CSF3R: variants seen among roughly 807,000 people sequenced by gnomAD.
The protein encoded by CSF3R is colony stimulating factor 3 receptor, also known as granulocyte colony-stimulating factor receptor.
A neutral mutation model predicts 84.4 loss-of-function variants in CSF3R; 52 were observed. That is an observed-to-expected ratio of 0.62 (90% CI 0.49 to 0.78). CSF3R has a LOEUF of 0.78. Among genes scored for constraint, CSF3R ranks in the 30% least tolerant of loss-of-function variants. CSF3R has a pLI of 0.00. For missense variants in CSF3R, 890 were observed against 1,055.7 expected (o/e 0.84, Z 2.17); for synonymous variants, 384 against 429.1 (o/e 0.89, Z 1.30).
At position 36,475,687 on chromosome 1, in the gene CSF3R, G is replaced by A. The variant is rs1651097860; in HGVS notation, c.65-14C>T. On this transcript the variant is annotated splice_polypyrimidine_tract_variant and intron_variant, in intron 3 of 16. Transcript: ENST00000373106. Reference sequence around the variant, plus strand: ...ACTCCTCCAGACCTGGGGTGGAAGAGAATGGGCCAGGAACGACGCCTCTGC... The same window carrying A: ...ACTCCTCCAGACCTGGGGTGGAAGAAAATGGGCCAGGAACGACGCCTCTGC... 3.1e-6 allele frequency: 5 copies of A among 1,603,622 alleles called. No individual in the cohort carries two copies. In the East Asian group the frequency reaches 9.0e-5, roughly 29 times the overall value.
chr1:36,481,386 G>A (rs974861505), intron 2 of CSF3R, 92 bp downstream of exon 2: 2 of 152,222 alleles, frequency 1.3e-5, no homozygotes, highest in Non-Finnish European at 2.9e-5. Flanking sequence ...GTTGGAGCAT[G>A]GTCTCACTCT....
Position 36,472,724 on chromosome 1 carries a change from C to T in CSF3R, c.674-38G>A, listed in dbSNP as rs1183974064. ...GGGCTGTCAGAAGGTCTCCCTATCC[C>T]ACCCTAGAGGGCTCTGCCTTAGCTC... On this transcript the variant is annotated intron_variant, in intron 6 of 16. Transcript: ENST00000373106. This position sits in a 1 kb window ranked among gnomAD's most constrained non-coding sequence, Gnocchi z 5.0. 6.5e-7 allele frequency: 1 copy of T among 1,532,784 alleles called. No homozygotes were observed. 94.9% of individuals were successfully genotyped at this position (1,532,784 alleles called of 1,614,324 possible).
rs1650553289 is a variant in CSF3R, at chr1:36,469,345, T to C, written c.1475-88A>G. On this transcript the variant is annotated intron_variant, in intron 11 of 16. Coordinates refer to ENST00000373106, the MANE Select transcript of CSF3R (RefSeq NM_000760.4). ...CTAGCCTCAGACCTCTAGTGAGGGC[T>C]AACCTGGCCTCATGATTCAGGGTTA... The C allele has an allele frequency of 1.3e-5, 13 of 1,016,930 alleles. No individual in the cohort carries two copies. The South Asian group carries it at 1.7e-4, about 13-fold the overall frequency. The allele number at this position is 1,016,930 out of a possible 1,614,324, so 63.0% of individuals were successfully genotyped here.
At position 36,469,746 on chromosome 1, in the gene CSF3R, C is replaced by T; in HGVS notation, c.1380G>A (p.Val460=). 1 of 1,614,208 alleles carries T rather than the reference C, an allele frequency of 6.2e-7. No individual in the cohort carries two copies. The highest frequency in any genetic ancestry group is 8.5e-7 in the Non-Finnish European group (1 of 1,180,034). Residue 460 remains valine (V), a synonymous_variant, in exon 11 of 17, where the codon GTG becomes GTA. Transcript: ENST00000373106. ...EPPNPWPQGY[V]IEWGLGPPSA... is the part of the protein sequence containing the mutation. ...TGGGGGGGCCCAGGCCCCACTCAAT[C>T]ACATAGCCCTGAGGCCATGGATTGG...
chr1:36,469,062 G>A, intron 12 of CSF3R, 94 bp downstream of exon 12: 3 of 894,988 alleles, frequency 3.4e-6, no homozygotes, highest in Non-Finnish European at 5.5e-6. Context: ...TGGTAGGAAG[G>A]CAATGTTCCC....
Position 36,472,446 on chromosome 1 carries a change from C to T in CSF3R, c.844-55G>A. The T allele has an allele frequency of 6.2e-7, 1 of 1,613,902 alleles. No homozygotes were observed. The highest frequency in any genetic ancestry group is 8.5e-7 in the Non-Finnish European group (1 of 1,179,966). On this transcript the variant is annotated intron_variant, in intron 7 of 16. Transcript: ENST00000373106. This position sits in a 1 kb window ranked among gnomAD's most constrained non-coding sequence, Gnocchi z 5.0. ...TTGGATCGCTGGGCCATTCTAGGGCCAGCTCGAGCCCGACTTACCCTGCCC... is the reference window on the plus strand; with the variant it reads ...TTGGATCGCTGGGCCATTCTAGGGCTAGCTCGAGCCCGACTTACCCTGCCC...
intron 6 of CSF3R, 155 bp downstream of exon 6, chr1:36,473,280 C>G: frequency 1.3e-6 from 1 of 795,046 alleles, no homozygotes; most frequent in Non-Finnish European, 2.0e-6. Context: ...TTCTCTGTCT[C>G]CAGCTGCACC....
chr1:36,479,294 C>G (rs1311515993), intron 3 of CSF3R, 139 bp downstream of exon 3: 5 of 876,898 alleles, frequency 5.7e-6, no homozygotes, highest in Non-Finnish European at 9.4e-6. Flanking sequence ...GACCAGCTAC[C>G]CCACATCTGT....
At chr1:36,470,388 T>C (rs1650633362) in intron 10 of CSF3R, among the ~76,000 whole-genome samples, 1 of 152,152 alleles carries the variant, frequency 6.6e-6, no homozygotes, top group Non-Finnish European at 1.5e-5. Context: ...TTTCACTATG[T>C]TGGCCAGGCT....
At position 36,467,601 on chromosome 1, in the gene CSF3R, G is replaced by A; in HGVS notation, c.1915C>T (p.Leu639Phe). 1 of 1,614,206 alleles carries A rather than the reference G, an allele frequency of 6.2e-7. No homozygotes were observed. Among genetic ancestry groups the A allele is most frequent in the Non-Finnish European group, 8.5e-7 (1 of 1,180,028 alleles). The change falls in exon 15 of 17, where the codon CTC becomes TTC. Residue 639 changes from leucine to phenylalanine, a missense_variant. By Grantham distance (22) the Leu-to-Phe change is conservative. Transcript: ENST00000373106. The surrounding 1 kb of genome is among the most constrained non-coding windows in gnomAD (Gnocchi z 4.1). ...CAGGCAGTTCCACAGAGGCAGGTGA[G>A]CAACAGCAGGAGGCCGAACAGGCCC... ...ILGLFGLLLL[L>F]TCLCGTAWLC...
chr1:36,467,793 AT>A lies in CSF3R; in HGVS notation c.1864+28del. ...TGGGTGGGGTACCCTCCAAACAGCC[AT>A]CTCTGCCCAGCCCCCGTCTCCCCTT... On this transcript the variant is annotated intron_variant, in intron 14 of 16. Coordinates refer to ENST00000373106, the MANE Select transcript of CSF3R (RefSeq NM_000760.4). This position sits in a 1 kb window ranked among gnomAD's most constrained non-coding sequence, Gnocchi z 4.1. The A allele has an allele frequency of 6.2e-7, 1 of 1,614,196 alleles. No individual in the cohort carries two copies. The highest frequency in any genetic ancestry group is 8.5e-7 in the Non-Finnish European group (1 of 1,180,018).
chr1:36,472,493 T>C lies in CSF3R; in HGVS notation c.843+24A>G, dbSNP rs1650831913. 1.2e-6 allele frequency: 2 copies of C among 1,614,052 alleles called. No homozygotes were observed. Among genetic ancestry groups the C allele is most frequent in the African/African-American group, 1.3e-5 (1 of 75,034 alleles). On this transcript the variant is annotated intron_variant, in intron 7 of 16. Transcript: ENST00000373106. This position sits in a 1 kb window ranked among gnomAD's most constrained non-coding sequence, Gnocchi z 5.0. ...GCCCCCTGCCCCCACCACCTCAGGC[T>C]CTCCAGGTTGCCCTCTGCCTCACCA...
chr1:36,474,687 C>A (rs1651011858), intron 4 of CSF3R, among the ~76,000 whole-genome samples: 1 of 152,118 alleles, frequency 6.6e-6, no homozygotes, highest in Non-Finnish European at 1.5e-5. Context: ...AAACTCCATC[C>A]TGCTCAGTTT....
intron 3 of CSF3R, 93 bp downstream of exon 3, chr1:36,479,340 T>C (rs1570602074): frequency 8.0e-7 from 1 of 1,247,314 alleles, no homozygotes; most frequent in Non-Finnish European, 1.2e-6. Flanking sequence ...TCTCTGGGAA[T>C]CCCAGGAGCC....
chr1:36,476,570 A>G (rs955565923), intron 3 of CSF3R, among the ~76,000 whole-genome samples: 2 of 150,416 alleles, frequency 1.3e-5, no homozygotes, highest in Non-Finnish European at 2.9e-5. Context: ...CATTCTTGCT[A>G]TTCTTTGAAA....
intron 10 of CSF3R, 41 bp downstream of exon 10, chr1:36,471,392 C>G (rs774414373): frequency 1.8e-5 from 29 of 1,576,728 alleles, no homozygotes; most frequent in Non-Finnish European, 2.6e-6. Context: ...TGAATTGATG[C>G]GCTTGACCTC....
chr1:36,483,118 C>T (rs561124267), upstream of CSF3R: 2 of 152,352 alleles, frequency 1.3e-5, no homozygotes, highest in Admixed American at 6.5e-5. Context: ...AACGATGTCC[C>T]CCTCCCCTGC....
At chr1:36,470,822 TGA>T (rs1387789355) in intron 10 of CSF3R, among the ~76,000 whole-genome samples, 3 of 151,906 alleles carry the variant, frequency 2.0e-5, no homozygotes, top group African/African-American at 7.3e-5. Context: ...TGTGTGTGTG[TGA>T]GAGAGAGAGC....
chr1:36,474,970 T>C (rs1011381867), intron 4 of CSF3R, among the ~76,000 whole-genome samples: 1 of 152,130 alleles, frequency 6.6e-6, no homozygotes, highest in African/African-American at 2.4e-5. Context: ...AAAGTGCTTA[T>C]TAGATAAGAG....
Sources: allele counts gnomAD v4.1 joint callset (sites outside exome capture counted in the v4.1 genomes callset), GRCh38; gene constraint gnomAD v4.1.1; non-coding constraint Gnocchi (gnomAD v3.1); transcripts MANE v1.5; gene names NCBI Gene and HGNC (gene_info 2026-07-23, HGNC 2026-07-21).